The following AKNAD1 variants were observed in gnomAD, a reference collection of about 807,000 sequenced individuals.
The protein encoded by AKNAD1 is protein AKNAD1.
AKNAD1 carries 67 observed loss-of-function variants against 90.8 expected under a neutral mutation model. The observed-to-expected ratio is 0.74, with a 90% CI of 0.61 to 0.90. AKNAD1 has a LOEUF of 0.90. Ranked by LOEUF, AKNAD1 falls within the 40% of genes least tolerant of loss-of-function variation. The pLI is 0.00. For synonymous variants in AKNAD1, 327 were observed against 341.4 expected, an observed-to-expected ratio of 0.96 and a Z score of 0.46; for missense variants, 957 against 975.4, an observed-to-expected ratio of 0.98 and a Z score of 0.25.
intron 1 of AKNAD1, among the ~76,000 whole-genome samples, chr1:108,855,488 G>C (rs1328196414): frequency 7.3e-6 from 1 of 136,806 alleles, no homozygotes; most frequent in Non-Finnish European, 1.6e-5. Context: ...TATATTTGAA[G>C]GTAAAAAAAA....
At position 108,852,352 on chromosome 1, in the gene AKNAD1, A is replaced by T; in HGVS notation, c.313T>A (p.Ser105Thr). The change falls in exon 2 of 16, where the codon TCT (serine) becomes ACT (threonine). Residue 105 changes from serine (S) to threonine (T), a missense_variant. Coordinates refer to ENST00000370001, the MANE Select transcript of AKNAD1 (RefSeq NM_152763.5). ...LHIPANEGDASKSSISDILLH... is the reference protein window; with the variant it reads ...LHIPANEGDATKSSISDILLH... ...AAAATATCAGAAATGCTTGACTTAG[A>T]AGCGTCTCCTTCATTTGCTGGAATA... 6.2e-7 allele frequency: 1 copy of T among 1,614,114 alleles called. No individual in the cohort carries two copies. The highest frequency in any genetic ancestry group is 8.5e-7 in the Non-Finnish European group (1 of 1,180,004).
chr1:108,818,943 G>A (rs1044108754), intron 14 of AKNAD1, among the ~76,000 whole-genome samples: 86 of 109,448 alleles, frequency 7.9e-4, no homozygotes, highest in African/African-American at 2.8e-3. Context: ...CAGCCTGGGC[G>A]AAATAGTGAA....
intron 14 of AKNAD1, among the ~76,000 whole-genome samples, chr1:108,818,208 T>G (rs1031343680): frequency 6.6e-6 from 1 of 152,202 alleles, no homozygotes; most frequent in Admixed American, 6.5e-5. Flanking sequence ...AGAGCCACCC[T>G]CACAGCTTCC....
chr1:108,829,409 AT>A (rs1378777317), intron 10 of AKNAD1, among the ~76,000 whole-genome samples: 2 of 152,348 alleles, frequency 1.3e-5, no homozygotes, highest in East Asian at 3.9e-4. Context: ...TGGTTCTTTA[AT>A]GTCAAAATAC....
At chr1:108,855,997 G>T (rs182329201) in intron 1 of AKNAD1, among the ~76,000 whole-genome samples, 1 of 150,360 alleles carries the variant, frequency 6.7e-6, no homozygotes, top group Non-Finnish European at 1.5e-5. Context: ...GACTACAGGC[G>T]CACACCACCA....
At chr1:108,844,817 CT>C (rs58471346) in intron 5 of AKNAD1, among the ~76,000 whole-genome samples, 2,226 of 144,750 alleles carry the variant, frequency 0.015, 30 homozygotes, top group African/African-American at 0.042. Flanking sequence ...ATTATTAATT[CT>C]TTTTTTTTTT....
rs753901990 is a variant in AKNAD1, at chr1:108,817,047, C to T, written c.2379+1G>A. 12 of 1,613,710 alleles carry T rather than the reference C, an allele frequency of 7.4e-6. No individual in the cohort carries two copies. The South Asian group carries it at 1.2e-4, about 16-fold the overall frequency. On this transcript the variant is annotated splice_donor_variant, in intron 15 of 15. Transcript: ENST00000370001. LOFTEE classifies it high-confidence loss of function. ...TCTCGAATGATTTTCTAAGTCCTCA[C>T]CTCAGATTTTATTTCTTCAGTGCTA...
chr1:108,830,436 T>G, intron 10 of AKNAD1, 123 bp downstream of exon 10: 1 of 873,296 alleles, frequency 1.1e-6, no homozygotes, highest in Non-Finnish European at 1.8e-6. Flanking sequence ...TGCCCAGGCC[T>G]GAGATCTGTG....
In AKNAD1 at chr1:108,851,750, G is replaced by T; in HGVS notation, c.915C>A (p.Thr305=). Residue 305 remains threonine, a synonymous_variant, in exon 2 of 16, where the codon ACC becomes ACA. Transcript: ENST00000370001. Reference sequence around the variant, plus strand: ...TTTCAACACAGTTTGACTCAGGCGTGGTTTCTAGACTATCTTGCACAAGAG... The same window carrying T: ...TTTCAACACAGTTTGACTCAGGCGTTGTTTCTAGACTATCTTGCACAAGAG... ...KPTLVQDSLE[T]TPESNCVEKQ... 1 of 1,612,638 alleles carries T rather than the reference G, an allele frequency of 6.2e-7. No individual in the cohort carries two copies. Among genetic ancestry groups the T allele is most frequent in the Non-Finnish European group, 8.5e-7 (1 of 1,179,594 alleles).
intron 3 of AKNAD1, among the ~76,000 whole-genome samples, chr1:108,849,273 G>T (rs1020312051): frequency 1.3e-5 from 2 of 151,932 alleles, no homozygotes; most frequent in Non-Finnish European, 1.5e-5. Flanking sequence ...TTGAAGCCAG[G>T]AGTTCAAGAC....
chr1:108,820,623 A>G lies in AKNAD1; in HGVS notation c.2171T>C (p.Phe724Ser), dbSNP rs1225755557. 6.2e-7 allele frequency: 1 copy of G among 1,600,384 alleles called. No homozygotes were observed. The highest frequency in any genetic ancestry group is 1.7e-5 in the Admixed American group (1 of 59,568). Residue 724 changes from phenylalanine to serine, a missense_variant, in exon 14 of 16, where the codon TTT (phenylalanine) becomes TCT (serine). Physicochemically the swap from Phe to Ser is radical, Grantham distance 155. Coordinates refer to ENST00000370001, the MANE Select transcript of AKNAD1 (RefSeq NM_152763.5). ...AGAACAGATCCGTTTGGGTTTTAAA[A>G]AAGCTGAAAAATGTTAGCTATCATT... ...LDESKNSSPS[F>S]LKPKRICSQR...
intron 9 of AKNAD1, among the ~76,000 whole-genome samples, chr1:108,833,425 A>G (rs1664269877): frequency 6.6e-6 from 1 of 152,142 alleles, no homozygotes; most frequent in Admixed American, 6.5e-5. Context: ...TCTACTAAAA[A>G]TACAAAAATT....
At position 108,823,271 on chromosome 1, in the gene AKNAD1, G is replaced by A. The variant is rs1198492630; in HGVS notation, c.2167+99C>T. The A allele has an allele frequency of 8.1e-6, 8 of 989,536 alleles. No homozygotes were observed. In the Admixed American group the frequency reaches 1.2e-4, roughly 15 times the overall value. The allele number at this position is 989,536 out of a possible 1,614,324, so 61.3% of individuals were successfully genotyped here. A position where few individuals can be genotyped will look rare whatever the true frequency, so the allele number is the denominator to read the frequency against. On this transcript the variant is annotated intron_variant, in intron 13 of 15. Transcript: ENST00000370001. ...TGGGCAGCAAAATGGAGAGGCCAGG[G>A]CTTCCCAGATGGAAGCAGTGGCCAG...
intron 6 of AKNAD1, 38 bp downstream of exon 6, chr1:108,843,096 T>C: frequency 6.2e-7 from 1 of 1,608,456 alleles, no homozygotes; most frequent in Non-Finnish European, 8.5e-7. Flanking sequence ...GAGATCACCT[T>C]TGACCCTTCC....
rs1664604456 is a variant in AKNAD1, at chr1:108,843,219, G to A, written c.1294C>T (p.Leu432=). ...GHLELLEQNF[L]ATKDKHLTLQ... ...GTCAGATGCTTGTCCTTGGTGGCCA[G>A]AAAGTTCTGCTCCAGCAGTTCAAGG... The change falls in exon 6 of 16, where the codon CTG becomes TTG. Residue 432 remains leucine, a synonymous_variant. Transcript: ENST00000370001. 1.1e-5 allele frequency: 18 copies of A among 1,614,208 alleles called. No homozygotes were observed. Among genetic ancestry groups the A allele is most frequent in the Non-Finnish European group, 1.5e-5 (18 of 1,180,036 alleles).
rs373982003 is a variant in AKNAD1, at chr1:108,848,832, C to T, written c.1183-18G>A. The T allele has an allele frequency of 3.7e-6, 6 of 1,609,446 alleles. No individual in the cohort carries two copies. In the African/African-American group the frequency reaches 6.7e-5, roughly 18 times the overall value. On this transcript the variant is annotated intron_variant, in intron 4 of 15. Coordinates refer to ENST00000370001, the MANE Select transcript of AKNAD1 (RefSeq NM_152763.5). ...TCTTGTACCTGCAGTGAAAAAATTACAATCTCTCATTAATGGCATGGTTTC... is the reference window on the plus strand; with the variant it reads ...TCTTGTACCTGCAGTGAAAAAATTATAATCTCTCATTAATGGCATGGTTTC...
rs1200248679 is a variant in AKNAD1 at position 108,816,936 on chromosome 1, A to G, written c.2379+112T>C. 10 of 1,315,918 alleles carry G rather than the reference A, an allele frequency of 7.6e-6. No homozygotes were observed. The Admixed American group carries it at 1.5e-4, about 19-fold the overall frequency. 81.5% of individuals were successfully genotyped at this position (1,315,918 alleles called of 1,614,324 possible). A position where few individuals can be genotyped will look rare whatever the true frequency, so the allele number is the denominator to read the frequency against. On this transcript the variant is annotated intron_variant, in intron 15 of 15. Transcript: ENST00000370001. ...CTGAGCACAAAATTGTCTTTAGCAGAGCATTTTCTGAAGCTCTGATACTGT... is the reference window on the plus strand; with the variant it reads ...CTGAGCACAAAATTGTCTTTAGCAGGGCATTTTCTGAAGCTCTGATACTGT...
At chr1:108,849,207 A>AC in intron 3 of AKNAD1, 147 bp from the exon 4 acceptor site, 2 of 735,070 alleles carry the variant, frequency 2.7e-6, no homozygotes, top group Non-Finnish European at 4.1e-6. Context: ...TAGGCCAGGC[A>AC]CAGTGGCTCA....
rs188839212 is a variant in AKNAD1 at position 108,855,078 on chromosome 1, C to T, written c.-104+1851G>A. On this transcript the variant is annotated intron_variant, in intron 1 of 15. Coordinates refer to ENST00000370001, the MANE Select transcript of AKNAD1 (RefSeq NM_152763.5). ...GTCCAGAGGTGAGGCACTCCTTATC[C>T]GTGGGGATATTTAAAGGATAAAGGA... is the stretch of plus-strand genomic sequence containing the variant. 7.8e-4 allele frequency among the ~76,000 whole-genome samples: 118 copies of T among 152,200 alleles called. No individual in the cohort carries two copies. The Middle Eastern group carries it at 0.014, about 18-fold the overall frequency.
Sources: allele counts gnomAD v4.1 joint callset (sites outside exome capture counted in the v4.1 genomes callset), GRCh38; gene constraint gnomAD v4.1.1; transcripts MANE v1.5; gene names NCBI Gene and HGNC (gene_info 2026-07-23, HGNC 2026-07-21).